Variants in SCML4 observed in about 807,000 individuals in gnomAD.
SCML4 encodes the protein sex comb on midleg-like protein 4.
In SCML4, 34 loss-of-function variants were observed where a neutral mutation model predicts 41.1. That is an observed-to-expected ratio of 0.83 (90% CI 0.63 to 1.10). SCML4 has a LOEUF of 1.10. Ranked by LOEUF, SCML4 falls within the 50% of genes least tolerant of loss-of-function variation. SCML4 has a pLI of 0.00. For synonymous variants in SCML4, 214 were observed against 220.9 expected, an observed-to-expected ratio of 0.97 and a Z score of 0.28; for missense variants, 522 against 534.1, an observed-to-expected ratio of 0.98 and a Z score of 0.22.
intron 1 of SCML4, among the ~76,000 whole-genome samples, chr6:107,788,787 A>G (rs1267372771): frequency 6.6e-6 from 1 of 152,096 alleles, no homozygotes; most frequent in Admixed American, 6.5e-5. Context: ...ACACCGGTTT[A>G]TTCTCCCCTC....
intron 5 of SCML4, chr6:107,740,146 C>T: frequency 2.1e-6 from 1 of 470,996 alleles, no homozygotes; most frequent in Non-Finnish European, 4.4e-6. Flanking sequence ...GGAAGGAAGG[C>T]TGTCATCCTC....
chr6:107,823,773 ATAAC>A (rs1374026416), intron 1 of SCML4, among the ~76,000 whole-genome samples: 1 of 152,198 alleles, frequency 6.6e-6, no homozygotes, highest in Non-Finnish European at 1.5e-5. Flanking sequence ...AAGGGAAAAA[ATAAC>A]TAACCGGTTA....
chr6:107,837,905 CTTTTTTTTTTTTTT>C, the SCML4 span, among the ~76,000 whole-genome samples: 3 of 115,320 alleles, frequency 2.6e-5, no homozygotes, highest in African/African-American at 9.7e-5. Context: ...TTATGATTTT[CTTTTTTTTTTTTTT>C]TTTTTTGAGA....
chr6:107,838,661 C>T, the SCML4 span, among the ~76,000 whole-genome samples: 1 of 152,052 alleles, frequency 6.6e-6, no homozygotes, highest in African/African-American at 2.4e-5. Flanking sequence ...AGGTATCTCC[C>T]CAGATGGAAA....
chr6:107,756,118 C>T (rs1035677630), intron 2 of SCML4, among the ~76,000 whole-genome samples: 1 of 152,002 alleles, frequency 6.6e-6, no homozygotes, highest in South Asian at 2.1e-4. Flanking sequence ...ATGTAGACAC[C>T]CCTCCCTCAA....
intron 1 of SCML4, among the ~76,000 whole-genome samples, chr6:107,813,938 C>T (rs1784387740): frequency 6.6e-6 from 1 of 152,206 alleles, no homozygotes; most frequent in African/African-American, 2.4e-5. Context: ...CGGAGCCTCT[C>T]CATGTGCCTT....
chr6:107,766,985 C>T (rs1780107363), intron 2 of SCML4, among the ~76,000 whole-genome samples: 1 of 150,426 alleles, frequency 6.6e-6, no homozygotes, highest in Non-Finnish European at 1.5e-5. Context: ...AGAATCTCGC[C>T]CTGTCACTAG....
chr6:107,723,370 T>G (rs529550550), intron 5 of SCML4, among the ~76,000 whole-genome samples: 4 of 152,310 alleles, frequency 2.6e-5, no homozygotes, highest in Admixed American at 2.6e-4. Context: ...GATAAAGTAT[T>G]GAATATCTCA....
chr6:107,820,499 AGAG>A (rs2114309638), intron 1 of SCML4, among the ~76,000 whole-genome samples: 1 of 152,354 alleles, frequency 6.6e-6, no homozygotes, highest in East Asian at 1.9e-4. Flanking sequence ...TATGCAGATC[AGAG>A]GAAGCTAAAT....
At chr6:107,818,611 T>G (rs1188174860) in intron 1 of SCML4, among the ~76,000 whole-genome samples, 1 of 152,256 alleles carries the variant, frequency 6.6e-6, no homozygotes, top group Non-Finnish European at 1.5e-5. Context: ...AGAATGATTC[T>G]TACAGTCCTA....
intron 7 of SCML4, 75 bp from the exon 8 acceptor site, chr6:107,705,400 T>C (rs543124222): frequency 7.0e-7 from 1 of 1,419,950 alleles, no homozygotes; most frequent in South Asian, 1.2e-5. Context: ...AAGGTTAAGG[T>C]GTGGTCAAGG....
intron 1 of SCML4, among the ~76,000 whole-genome samples, chr6:107,806,014 C>A (rs1452931135): frequency 6.6e-6 from 1 of 152,132 alleles, no homozygotes; most frequent in Non-Finnish European, 1.5e-5. Context: ...AAGGAGACAC[C>A]ACTTCTCTTC....
At chr6:107,796,618 T>C (rs1295036358) in intron 1 of SCML4, among the ~76,000 whole-genome samples, 2 of 152,166 alleles carry the variant, frequency 1.3e-5, no homozygotes, top group Non-Finnish European at 2.9e-5. Context: ...AAATACAGTC[T>C]TTTAATAAGC....
the SCML4 span, among the ~76,000 whole-genome samples, chr6:107,831,411 C>CAAAAAAAA: frequency 5.6e-5 from 6 of 107,492 alleles, no homozygotes; most frequent in East Asian, 3.0e-4. Context: ...TTTTCATTCT[C>CAAAAAAAA]AAAAAAAAAA....
At chr6:107,737,577 G>T (rs1034365448) in intron 5 of SCML4, among the ~76,000 whole-genome samples, 2 of 152,128 alleles carry the variant, frequency 1.3e-5, no homozygotes, top group Admixed American at 6.5e-5. Context: ...CTGAAAACTT[G>T]GAATAAGTTT....
the SCML4 span, among the ~76,000 whole-genome samples, chr6:107,842,022 T>C: frequency 2.6e-5 from 4 of 152,196 alleles, no homozygotes; most frequent in African/African-American, 7.2e-5. Context: ...AGTTTATTGA[T>C]TGGAGACATT....
chr6:107,765,252 C>T (rs551538213), intron 2 of SCML4, among the ~76,000 whole-genome samples: 1 of 152,258 alleles, frequency 6.6e-6, no homozygotes, highest in East Asian at 1.9e-4. Flanking sequence ...GGGATCAAAA[C>T]TGTCAGCCCA....
At chr6:107,706,866 G>T (rs1773687612) in intron 7 of SCML4, among the ~76,000 whole-genome samples, 1 of 152,158 alleles carries the variant, frequency 6.6e-6, no homozygotes, top group Non-Finnish European at 1.5e-5. Context: ...GGTGGATCTA[G>T]AAGCCAGAAA....
chr6:107,815,932 C>T (rs1377516011), intron 1 of SCML4, among the ~76,000 whole-genome samples: 1 of 152,142 alleles, frequency 6.6e-6, no homozygotes, highest in Non-Finnish European at 1.5e-5. Flanking sequence ...GTGGAAACAC[C>T]AGGGAATCAT....
Sources: allele counts gnomAD v4.1 joint callset (sites outside exome capture counted in the v4.1 genomes callset), GRCh38; gene constraint gnomAD v4.1.1; transcripts MANE v1.5; gene names NCBI Gene and HGNC (gene_info 2026-07-23, HGNC 2026-07-21).